Variants in PLBD2 observed in about 807,000 individuals in gnomAD.
PLBD2 encodes the protein phospholipase B domain containing 2.
PLBD2 carries 51 observed loss-of-function variants against 68.3 expected under a neutral mutation model. That is an observed-to-expected ratio of 0.75 (90% confidence interval 0.60 to 0.94). The LOEUF is 0.94. Ranked by LOEUF, PLBD2 falls within the 40% of genes least tolerant of loss-of-function variation. PLBD2 has a pLI of 0.00. For synonymous variants in PLBD2, 314 were observed against 339.3 expected (o/e 0.93, Z 0.82); for missense variants, 729 against 792.2 (o/e 0.92, Z 0.96).
At chr12:113,378,772 G>A (rs1028942559) in intron 5 of PLBD2, among the ~76,000 whole-genome samples, 1 of 148,948 alleles carries the variant, frequency 6.7e-6, no homozygotes, top group Admixed American at 6.8e-5. Flanking sequence ...TTCAACCTCC[G>A]CCTCCCAGGT....
chr12:113,380,145 T>C (rs1957472903), intron 5 of PLBD2, among the ~76,000 whole-genome samples: 1 of 149,984 alleles, frequency 6.7e-6, no homozygotes, highest in Admixed American at 6.6e-5. Flanking sequence ...ATTTATTTAT[T>C]TATTTTTTTT....
chr12:113,387,013 G>A lies in PLBD2; in HGVS notation c.1363G>A (p.Gly455Arg), dbSNP rs752646222. 10 of 1,612,138 alleles carry A rather than the reference G, an allele frequency of 6.2e-6. No homozygotes were observed. The highest frequency in any genetic ancestry group is 2.7e-5 in the African/African-American group (2 of 74,862). The change falls in exon 10 of 12, where the codon GGG becomes AGG. Residue 455 changes from glycine to arginine, a missense_variant. Physicochemically the swap from Gly to Arg is moderately radical, Grantham distance 125. Coordinates refer to ENST00000280800, the MANE Select transcript of PLBD2 (RefSeq NM_173542.4). The part of the protein sequence containing the change: ...AQYGDWFSYD[G>R]SPRAQIFRRN... ...GTATGGGGACTGGTTTTCTTATGAC[G>A]GGAGCCCCCGGGCCCAGATCTTCCG...
At chr12:113,376,669 T>G (rs920123337) in intron 5 of PLBD2, 3 of 152,220 alleles carry the variant, frequency 2.0e-5, no homozygotes, top group African/African-American at 7.2e-5. Flanking sequence ...ATGTGAAAAC[T>G]GGCTGGGCAC....
rs1227287203 is a variant in PLBD2, at chr12:113,372,966, C to A, written c.543+159C>A. The stretch of plus-strand genomic sequence containing the variant: ...CCTAGCCGACCTGCCACTCATCCAT[C>A]TGCCCAGTCTCCATCTGTCCACTTG... On this transcript the variant is annotated intron_variant, in intron 3 of 11. Transcript: ENST00000280800. The surrounding 1 kb of genome is among the most constrained non-coding windows in gnomAD (Gnocchi z 4.2). Among the ~76,000 whole-genome samples the A allele has an allele frequency of 2.0e-5, 3 of 152,254 alleles. No homozygotes were observed. Among genetic ancestry groups the A allele is most frequent in the African/African-American group, 7.2e-5 (3 of 41,464 alleles).
intron 2 of PLBD2, among the ~76,000 whole-genome samples, chr12:113,370,479 T>C (rs866822711): frequency 0.012 from 1,731 of 139,512 alleles, 23 homozygotes; most frequent in East Asian, 0.1. Context: ...TTTCTTTTTT[T>C]TTTTTTTTTT....
At chr12:113,371,126 G>C (rs565882219) in intron 2 of PLBD2, among the ~76,000 whole-genome samples, 4 of 152,344 alleles carry the variant, frequency 2.6e-5, no homozygotes, top group Admixed American at 2.0e-4. Flanking sequence ...AGTGACAGCT[G>C]TCTCCTGTGA....
Position 113,372,835 on chromosome 12 carries a change from AG to A in PLBD2, c.543+33del. Reference sequence around the variant, plus strand: ...GAGTCCTGCTGCCACGCTTGGTGGGAGGGGGCTTCCAGCTGGCCAGCCATCC... The same window carrying A: ...GAGTCCTGCTGCCACGCTTGGTGGGAGGGGCTTCCAGCTGGCCAGCCATCC... On this transcript the variant is annotated intron_variant, in intron 3 of 11. Transcript: ENST00000280800. This position sits in a 1 kb window ranked among gnomAD's most constrained non-coding sequence, Gnocchi z 4.2. 6.2e-7 allele frequency: 1 copy of A among 1,603,130 alleles called. No homozygotes were observed. The highest frequency in any genetic ancestry group is 8.5e-7 in the Non-Finnish European group (1 of 1,174,790).
rs764135845 is a variant in PLBD2, at chr12:113,387,774, A to G, written c.1470A>G (p.Ser490=). ...RYNDFLHDPL[S]LCKACNPQPN... ...ATGACTTCCTCCATGACCCTCTGTC[A>G]CTGTGCAAAGCCTGCAACCCCCAGC... Residue 490 remains serine, a synonymous_variant, in exon 11 of 12, where the codon TCA becomes TCG. Coordinates refer to ENST00000280800, the MANE Select transcript of PLBD2 (RefSeq NM_173542.4). The G allele has an allele frequency of 1.2e-6, 2 of 1,614,114 alleles. No individual in the cohort carries two copies. Among genetic ancestry groups the G allele is most frequent in the Non-Finnish European group, 1.7e-6 (2 of 1,180,018 alleles).
At chr12:113,381,032 G>A (rs574590799) in intron 6 of PLBD2, among the ~76,000 whole-genome samples, 190 bp downstream of exon 6, 7 of 152,156 alleles carry the variant, frequency 4.6e-5, no homozygotes, top group East Asian at 1.9e-4. Context: ...GCCCAGACTC[G>A]CCCTTCCCCT....
chr12:113,379,252 G>C (rs1240486676), intron 5 of PLBD2, among the ~76,000 whole-genome samples: 1 of 146,884 alleles, frequency 6.8e-6, no homozygotes, highest in Non-Finnish European at 1.5e-5. Flanking sequence ...AGGTTGCAGT[G>C]AGCCGAGATC....
In PLBD2 at chr12:113,385,369, A is replaced by T. The variant is rs1034784252; in HGVS notation, c.1286+86A>T. The T allele has an allele frequency of 3.1e-6, 4 of 1,283,266 alleles. No homozygotes were observed. In the African/African-American group the frequency reaches 5.9e-5, roughly 19 times the overall value. The allele number at this position is 1,283,266 out of a possible 1,614,324, so 79.5% of individuals were successfully genotyped here. A position where few individuals can be genotyped will look rare whatever the true frequency, so the allele number is the denominator to read the frequency against. ...CAGCTCCTTCCTAGGCAATGTTTTT[A>T]AACCCACAGAACAAAGAATCCCAGC... On this transcript the variant is annotated intron_variant, in intron 9 of 11. Coordinates refer to ENST00000280800, the MANE Select transcript of PLBD2 (RefSeq NM_173542.4).
intron 1 of PLBD2, among the ~76,000 whole-genome samples, chr12:113,365,707 A>G (rs1362822742): frequency 6.6e-6 from 1 of 152,054 alleles, no homozygotes; most frequent in Non-Finnish European, 1.5e-5. Flanking sequence ...CCCACTAAAG[A>G]TCCCCACAGC....
At chr12:113,371,884 A>G (rs1046400367) in intron 2 of PLBD2, among the ~76,000 whole-genome samples, 1 of 152,072 alleles carries the variant, frequency 6.6e-6, no homozygotes, top group African/African-American at 2.4e-5. Flanking sequence ...CTCCCCCTCT[A>G]GCCTGTGGCC....
At chr12:113,388,215 G>A (rs982565703) in intron 11 of PLBD2, among the ~76,000 whole-genome samples, 10 of 152,066 alleles carry the variant, frequency 6.6e-5, no homozygotes, top group Admixed American at 2.0e-4. Context: ...GGTGGCGGGC[G>A]TCTGTAATCC....
intron 3 of PLBD2, among the ~76,000 whole-genome samples, chr12:113,374,135 A>C (rs1229654589): frequency 6.6e-6 from 1 of 152,178 alleles, no homozygotes; most frequent in Non-Finnish European, 1.5e-5. Flanking sequence ...GCAGCAATAC[A>C]GTCAGTACTG....
At chr12:113,361,277 T>TA (rs1252084163) in intron 1 of PLBD2, among the ~76,000 whole-genome samples, 1 of 150,998 alleles carries the variant, frequency 6.6e-6, no homozygotes, top group Non-Finnish European at 1.5e-5. Flanking sequence ...ATTATCAGGA[T>TA]AAATTCTCCC....
chr12:113,384,037 T>G lies in PLBD2; in HGVS notation c.958-68T>G. The G allele has an allele frequency of 1.6e-6, 2 of 1,249,806 alleles. No individual in the cohort carries two copies. The highest frequency in any genetic ancestry group is 2.1e-6 in the Non-Finnish European group (2 of 933,360). The allele number at this position is 1,249,806 out of a possible 1,614,324, so 77.4% of individuals were successfully genotyped here. The stretch of plus-strand genomic sequence containing the variant: ...AAAAAAAAATTTTTGGAGCCATGAC[T>G]GATGAAGTACTGCCACTTGGTGGCA... On this transcript the variant is annotated intron_variant, in intron 6 of 11. Transcript: ENST00000280800. This position sits in a 1 kb window ranked among gnomAD's most constrained non-coding sequence, Gnocchi z 4.2.
intron 1 of PLBD2, among the ~76,000 whole-genome samples, chr12:113,362,717 A>G (rs1365900379): frequency 1.3e-5 from 2 of 151,966 alleles, no homozygotes; most frequent in Non-Finnish European, 2.9e-5. Context: ...TTATCTCATA[A>G]AAGATTGGCA....
chr12:113,362,253 G>A (rs1301359178), intron 1 of PLBD2, among the ~76,000 whole-genome samples: 1 of 152,056 alleles, frequency 6.6e-6, no homozygotes. Flanking sequence ...TTTGAGCCTG[G>A]GAAGTCGAGG....
Sources: gnomAD v4.1 joint callset for allele counts (sites outside exome capture counted in the v4.1 genomes callset) on GRCh38, gnomAD v4.1.1 for gene constraint, Gnocchi (gnomAD v3.1) non-coding constraint, MANE v1.5 for transcripts, NCBI Gene and HGNC (gene_info 2026-07-23, HGNC 2026-07-21) for gene names.